The following ABHD17C variants were observed in gnomAD, a reference collection of about 807,000 sequenced individuals.
ABHD17C encodes abhydrolase domain containing 17C, depalmitoylase.
Under a neutral mutation model 27.9 loss-of-function variants are expected in ABHD17C, and 11 were observed. That is an observed-to-expected ratio of 0.39 (90% CI 0.25 to 0.65). ABHD17C has a LOEUF of 0.65. Ranked by LOEUF, ABHD17C falls within the 30% of genes least tolerant of loss-of-function variation. The probability of loss-of-function intolerance (pLI) is 0.45; values close to 1 mark genes in which losing one functional copy is unlikely to be tolerated. For missense variants in ABHD17C, 280 were observed against 470.2 expected, an observed-to-expected ratio of 0.60 and a Z score of 3.74; for synonymous variants, 233 against 209.1, an observed-to-expected ratio of 1.11 and a Z score of -0.98.
intron 1 of ABHD17C, among the ~76,000 whole-genome samples, chr15:80,746,498 A>T (rs1895286941): frequency 6.6e-6 from 1 of 152,036 alleles, no homozygotes; most frequent in South Asian, 2.1e-4. Flanking sequence ...TTTTCAGTGA[A>T]ACTTTGAGTT....
chr15:80,719,615 T>C (rs1376469343), intron 1 of ABHD17C, among the ~76,000 whole-genome samples: 1 of 152,212 alleles, frequency 6.6e-6, no homozygotes, highest in Non-Finnish European at 1.5e-5. Context: ...AGAGTAACAT[T>C]TTCATCTCTA....
intron 2 of ABHD17C, among the ~76,000 whole-genome samples, chr15:80,752,977 A>G (rs922011197): frequency 2.0e-5 from 3 of 152,232 alleles, no homozygotes; most frequent in Non-Finnish European, 2.9e-5. Flanking sequence ...TAGGCATTAC[A>G]TTAAGTTTTC....
chr15:80,730,591 A>G (rs1895044605), intron 1 of ABHD17C, among the ~76,000 whole-genome samples: 1 of 152,254 alleles, frequency 6.6e-6, no homozygotes, highest in Non-Finnish European at 1.5e-5. Context: ...ACAGTATTGT[A>G]TGTTCTGCCA....
At chr15:80,727,930 G>A (rs1176040713) in intron 1 of ABHD17C, among the ~76,000 whole-genome samples, 2 of 152,060 alleles carry the variant, frequency 1.3e-5, no homozygotes, top group African/African-American at 4.8e-5. Flanking sequence ...CTCCCTGGGT[G>A]CAGCCGTCAT....
intron 1 of ABHD17C, among the ~76,000 whole-genome samples, chr15:80,743,679 C>G (rs939944218): frequency 1.3e-5 from 2 of 152,146 alleles, no homozygotes; most frequent in African/African-American, 4.8e-5. Context: ...ACTTCATGAG[C>G]TCAGGTGATC....
intron 1 of ABHD17C, 34 bp from the exon 2 acceptor site, chr15:80,749,479 T>G (rs1401198741): frequency 1.2e-6 from 2 of 1,604,242 alleles, no homozygotes; most frequent in Admixed American, 1.7e-5. Flanking sequence ...TCTTCATACC[T>G]TAGCTAATGG....
chr15:80,728,975 C>A (rs774919123), intron 1 of ABHD17C, among the ~76,000 whole-genome samples: 3 of 152,166 alleles, frequency 2.0e-5, no homozygotes, highest in Non-Finnish European at 2.9e-5. Context: ...GAGTGCCAGC[C>A]ACATGAAACG....
At chr15:80,743,731 G>A (rs894531505) in intron 1 of ABHD17C, among the ~76,000 whole-genome samples, 2 of 152,026 alleles carry the variant, frequency 1.3e-5, no homozygotes, top group African/African-American at 2.4e-5. Flanking sequence ...GCTACTAGGC[G>A]CACAGCACCA....
chr15:80,732,893 T>G (rs1339583212), intron 1 of ABHD17C, among the ~76,000 whole-genome samples: 1 of 152,234 alleles, frequency 6.6e-6, no homozygotes, highest in Non-Finnish European at 1.5e-5. Context: ...TGTGGTGTCC[T>G]GGGGCTGCAT....
Position 80,695,714 on chromosome 15 carries a change from C to G in ABHD17C, c.285C>G (p.Ala95=), listed in dbSNP as rs917965902. 34 of 1,532,340 alleles carry G rather than the reference C, an allele frequency of 2.2e-5. No homozygotes were observed. The highest frequency in any genetic ancestry group is 3.0e-5 in the Non-Finnish European group (34 of 1,145,776). The allele number at this position is 1,532,340 out of a possible 1,614,324, so 94.9% of individuals were successfully genotyped here. ...GACSLHLSER[A]DWQYSQRELD... ...GCAGCCTGCACCTCAGCGAGCGCGC[C>G]GACTGGCAGTACTCGCAGCGCGAGC... Residue 95 remains alanine, a synonymous_variant, in exon 1 of 3, where the codon GCC becomes GCG. Coordinates refer to ENST00000258884, the MANE Select transcript of ABHD17C (RefSeq NM_021214.2). This position sits in a 1 kb window ranked among gnomAD's most constrained non-coding sequence, Gnocchi z 4.3.
chr15:80,750,250 G>C (rs1241910383), intron 2 of ABHD17C, among the ~76,000 whole-genome samples: 2 of 152,154 alleles, frequency 1.3e-5, no homozygotes, highest in Admixed American at 6.5e-5. Flanking sequence ...TTTGATCTTC[G>C]GTAAATAGCC....
At chr15:80,742,603 G>T (rs947162543) in intron 1 of ABHD17C, among the ~76,000 whole-genome samples, 6 of 152,192 alleles carry the variant, frequency 3.9e-5, no homozygotes, top group African/African-American at 9.7e-5. Context: ...TTTACCAGAT[G>T]TCTGGGCATC....
At chr15:80,745,842 T>A (rs1895275427) in intron 1 of ABHD17C, among the ~76,000 whole-genome samples, 1 of 152,228 alleles carries the variant, frequency 6.6e-6, no homozygotes, top group Non-Finnish European at 1.5e-5. Flanking sequence ...ATACCACAGT[T>A]TCTTTATCCA....
At chr15:80,708,860 A>C (rs879342537) in intron 1 of ABHD17C, among the ~76,000 whole-genome samples, 3 of 152,186 alleles carry the variant, frequency 2.0e-5, no homozygotes, top group Non-Finnish European at 4.4e-5. Flanking sequence ...AGACTCTGAG[A>C]GAATAGTTGT....
At chr15:80,739,890 T>G (rs557275044) in intron 1 of ABHD17C, among the ~76,000 whole-genome samples, 1 of 152,322 alleles carries the variant, frequency 6.6e-6, no homozygotes, top group East Asian at 1.9e-4. Flanking sequence ...CTTTTCCCTT[T>G]TGGCCTGTTC....
intron 1 of ABHD17C, among the ~76,000 whole-genome samples, chr15:80,698,544 C>T (rs1288971925): frequency 6.6e-6 from 1 of 152,190 alleles, no homozygotes; most frequent in Non-Finnish European, 1.5e-5. Context: ...GCACCATTGC[C>T]ACGGTAAGCA....
At chr15:80,751,915 G>A (rs184842608) in intron 2 of ABHD17C, among the ~76,000 whole-genome samples, 58 of 152,300 alleles carry the variant, frequency 3.8e-4, no homozygotes, top group African/African-American at 1.2e-3. Flanking sequence ...TAATATGTCC[G>A]TTGTTGCCAG....
intron 1 of ABHD17C, among the ~76,000 whole-genome samples, chr15:80,699,687 G>C (rs1055430795): frequency 6.6e-6 from 1 of 152,222 alleles, no homozygotes; most frequent in East Asian, 1.9e-4. Context: ...CCCCCCAGAT[G>C]ATGAGTATTA....
intron 1 of ABHD17C, among the ~76,000 whole-genome samples, chr15:80,730,896 C>T (rs1028268759): frequency 8.6e-5 from 13 of 151,960 alleles, no homozygotes; most frequent in Non-Finnish European, 1.6e-4. Flanking sequence ...TCATGGTGCT[C>T]GATGTTTTTA....
Sources: allele counts gnomAD v4.1 joint callset (sites outside exome capture counted in the v4.1 genomes callset), GRCh38; gene constraint gnomAD v4.1.1; non-coding constraint Gnocchi (gnomAD v3.1); transcripts MANE v1.5; gene names NCBI Gene and HGNC (gene_info 2026-07-23, HGNC 2026-07-21).